CTNNA2: variants seen among roughly 807,000 people sequenced by gnomAD.
CTNNA2 encodes catenin alpha-2.
A neutral mutation model predicts 101.0 loss-of-function variants in CTNNA2; 42 were observed. The observed-to-expected ratio is 0.42, with a 90% CI of 0.32 to 0.54. CTNNA2 has a LOEUF of 0.54. CTNNA2 is among the 20% of genes least tolerant of loss of function. The probability of loss-of-function intolerance (pLI) is 0.14; values close to 1 mark genes in which losing one functional copy is unlikely to be tolerated. For missense variants in CTNNA2, 871 were observed against 1,223.1 expected (o/e 0.71, Z 4.29); for synonymous variants, 450 against 456.4 (o/e 0.99, Z 0.18).
intron 3 of CTNNA2, among the ~76,000 whole-genome samples, chr2:79,330,729 G>C (rs1573085286): frequency 6.6e-6 from 1 of 152,154 alleles, no homozygotes. Context: ...ATAAAGGGGA[G>C]TTCCCCTGCA....
At chr2:79,296,950 T>C (rs1382112936) in intron 2 of CTNNA2, among the ~76,000 whole-genome samples, 2 of 152,162 alleles carry the variant, frequency 1.3e-5, no homozygotes, top group African/African-American at 4.8e-5. Context: ...AGGTAGGGCC[T>C]TTGCATTCCT....
intron 7 of CTNNA2, among the ~76,000 whole-genome samples, chr2:80,206,507 G>A (rs556941918): frequency 1.3e-5 from 2 of 152,356 alleles, no homozygotes; most frequent in East Asian, 3.9e-4. Flanking sequence ...TGAAATTCAA[G>A]TGTTTAATAA....
intron 3 of CTNNA2, among the ~76,000 whole-genome samples, chr2:79,325,444 C>A (rs532943878): frequency 6.6e-6 from 1 of 152,148 alleles, no homozygotes; most frequent in African/African-American, 2.4e-5. Context: ...AATAGCATTT[C>A]GGGATTTCTT....
intron 1 of CTNNA2, among the ~76,000 whole-genome samples, chr2:79,612,333 G>A (rs969844587): frequency 6.6e-6 from 1 of 152,118 alleles, no homozygotes; most frequent in Admixed American, 6.6e-5. Flanking sequence ...AATAAATGCT[G>A]ACCTCAAATA....
chr2:79,410,811 T>G (rs1455419668), intron 4 of CTNNA2, among the ~76,000 whole-genome samples: 5 of 151,548 alleles, frequency 3.3e-5, no homozygotes, highest in Admixed American at 2.0e-4. Context: ...GATGCTGGCC[T>G]CATAAAATGA....
chr2:79,630,717 G>A (rs1219539842), intron 1 of CTNNA2, among the ~76,000 whole-genome samples: 1 of 152,142 alleles, frequency 6.6e-6, no homozygotes, highest in East Asian at 1.9e-4. Flanking sequence ...TGTCATTTAT[G>A]TATCTTTTGC....
intron 2 of CTNNA2, among the ~76,000 whole-genome samples, chr2:79,240,996 G>A (rs1193168999): frequency 6.6e-6 from 1 of 152,028 alleles, no homozygotes; most frequent in African/African-American, 2.4e-5. Context: ...TTAATTTTCT[G>A]GGCTTCACTC....
chr2:79,958,055 A>G (rs913779999), intron 7 of CTNNA2, among the ~76,000 whole-genome samples: 3 of 152,076 alleles, frequency 2.0e-5, no homozygotes, highest in African/African-American at 7.2e-5. Context: ...TTTTTCCTCC[A>G]TTGTAGTCAT....
At chr2:79,736,466 G>A (rs1670885982) in intron 2 of CTNNA2, among the ~76,000 whole-genome samples, 1 of 152,170 alleles carries the variant, frequency 6.6e-6, no homozygotes, top group Non-Finnish European at 1.5e-5. Flanking sequence ...CTCCTTAGAA[G>A]CTTGGTATTA....
intron 1 of CTNNA2, among the ~76,000 whole-genome samples, chr2:79,558,012 A>C (rs979001593): frequency 6.6e-6 from 1 of 151,978 alleles, no homozygotes; most frequent in Non-Finnish European, 1.5e-5. Context: ...GCGTTTACAC[A>C]CATAGAGATT....
At chr2:80,183,851 G>A (rs373756612) in intron 7 of CTNNA2, among the ~76,000 whole-genome samples, 8 of 150,404 alleles carry the variant, frequency 5.3e-5, no homozygotes, top group South Asian at 2.1e-4. Flanking sequence ...GATTAACCTC[G>A]CGATTAAACG....
chr2:80,429,789 C>T (rs1460075359), intron 9 of CTNNA2, among the ~76,000 whole-genome samples: 1 of 152,202 alleles, frequency 6.6e-6, no homozygotes, highest in Non-Finnish European at 1.5e-5. Context: ...GAGTCTTCAC[C>T]TGCACAGTTT....
intron 7 of CTNNA2, among the ~76,000 whole-genome samples, chr2:80,208,339 AG>A (rs1707660690): frequency 6.6e-6 from 1 of 152,230 alleles, no homozygotes; most frequent in Non-Finnish European, 1.5e-5. Flanking sequence ...ATGGATAAAT[AG>A]ATGGGTGGAT....
intron 13 of CTNNA2, 29 bp from the exon 14 acceptor site, chr2:80,581,677 T>C: frequency 7.4e-7 from 1 of 1,355,562 alleles, no homozygotes; most frequent in Non-Finnish European, 1.1e-6. Flanking sequence ...TCAATTTAAG[T>C]ATGCTGACTT....
chr2:79,969,660 A>G (rs685432), intron 7 of CTNNA2, among the ~76,000 whole-genome samples: 91,780 of 151,994 alleles, frequency 0.6, 28,282 homozygotes, highest in Admixed American at 0.72. Context: ...TCTTTAGCTT[A>G]TAACTTAAAC....
At chr2:79,476,307 A>G (rs1268221897) in intron 4 of CTNNA2, among the ~76,000 whole-genome samples, 1 of 152,214 alleles carries the variant, frequency 6.6e-6, no homozygotes, top group Admixed American at 6.5e-5. Context: ...GTATAGGCAC[A>G]GTATCTCCTC....
intron 9 of CTNNA2, among the ~76,000 whole-genome samples, chr2:80,449,333 T>C (rs1018134575): frequency 1.3e-5 from 2 of 151,432 alleles, no homozygotes; most frequent in Non-Finnish European, 2.9e-5. Context: ...ATACACTAAA[T>C]AAAATACACT....
At chr2:80,466,874 C>T (rs1684901180) in intron 9 of CTNNA2, among the ~76,000 whole-genome samples, 1 of 152,116 alleles carries the variant, frequency 6.6e-6, no homozygotes, top group South Asian at 2.1e-4. Flanking sequence ...TAATAGATAC[C>T]TTGCATTGTT....
At chr2:79,850,297 TC>T (rs369094765) in intron 3 of CTNNA2, among the ~76,000 whole-genome samples, 5 of 61,804 alleles carry the variant, frequency 8.1e-5, no homozygotes, top group African/African-American at 3.3e-4. Flanking sequence ...CCTCCCTCCC[TC>T]CCCCCTCCCT....
Sources: gnomAD v4.1 joint callset for allele counts (sites outside exome capture counted in the v4.1 genomes callset) on GRCh38, gnomAD v4.1.1 for gene constraint, MANE v1.5 for transcripts, NCBI Gene and HGNC (gene_info 2026-07-23, HGNC 2026-07-21) for gene names.